Variants in PIK3CA observed in about 807,000 individuals in gnomAD.
The protein encoded by PIK3CA is phosphatidylinositol 4,5-bisphosphate 3-kinase catalytic subunit alpha isoform.
PIK3CA carries 27 observed loss-of-function variants against 138.2 expected under a neutral mutation model. The ratio of observed to expected loss-of-function variants is 0.20; its 90% CI spans 0.14 to 0.27. The LOEUF (loss-of-function observed/expected upper bound fraction) is 0.27. PIK3CA is among the 10% of genes least tolerant of loss of function. The probability of loss-of-function intolerance (pLI) is 1.00; values close to 1 mark genes in which losing one functional copy is unlikely to be tolerated. For synonymous variants in PIK3CA, 358 were observed against 413.2 expected (o/e 0.87, Z 1.62); for missense variants, 544 against 1,277.4 (o/e 0.43, Z 8.75).
chr3:179,196,078 A>AT (rs1724259081), intron 1 of PIK3CA, among the ~76,000 whole-genome samples: 1 of 152,234 alleles, frequency 6.6e-6, no homozygotes, highest in Non-Finnish European at 1.5e-5. Flanking sequence ...ACCCATAAAT[A>AT]TACTACAGTA....
At chr3:179,224,301 C>T (rs1016631865) in intron 15 of PIK3CA, 114 bp downstream of exon 15, 11 of 560,680 alleles carry the variant, frequency 2.0e-5, no homozygotes, top group Non-Finnish European at 3.5e-5. Context: ...TTATGCTTCT[C>T]TCTCTCATTC....
At chr3:179,173,719 G>C (rs1723623550) in intron 1 of PIK3CA, among the ~76,000 whole-genome samples, 1 of 152,070 alleles carries the variant, frequency 6.6e-6, no homozygotes, top group East Asian at 1.9e-4. Flanking sequence ...GGTGGGTTTT[G>C]GCAGTGTTTT....
chr3:179,188,266 A>G (rs909614110), intron 1 of PIK3CA, among the ~76,000 whole-genome samples: 9 of 152,218 alleles, frequency 5.9e-5, no homozygotes. Flanking sequence ...TAAAAGCTCA[A>G]GTCACTAGTT....
At chr3:179,195,577 G>A (rs773708003) in intron 1 of PIK3CA, among the ~76,000 whole-genome samples, 7 of 152,032 alleles carry the variant, frequency 4.6e-5, no homozygotes, top group Non-Finnish European at 1.0e-4. Context: ...GCCAAAATTT[G>A]AATCTAGTGT....
At position 179,223,118 on chromosome 3, in the gene PIK3CA, C is replaced by A. The variant is rs149992968; in HGVS notation, c.2188-963C>A. 1.6e-3 allele frequency among the ~76,000 whole-genome samples: 237 copies of A among 152,246 alleles called. 1 individual carries two copies. The Middle Eastern group carries it at 0.041, about 26-fold the overall frequency. ...ACAATGAGTGATAAAATATAAGAAG[C>A]ATTGTGCTAACATTAGAGTTGTCAG... On this transcript the variant is annotated intron_variant, in intron 14 of 20. Transcript: ENST00000263967.
In PIK3CA at chr3:179,199,030, A is replaced by G; in HGVS notation, c.205A>G (p.Ile69Val). ...ACTTCTTCAAGATGAATCTTCTTAC[A>G]TTTTCGTAAGTGTTACTCAAGAAGC... is the stretch of plus-strand genomic sequence containing the variant. ...HQLLQDESSY[I>V]FVSVTQEAER... Residue 69 changes from isoleucine (I) to valine (V), a missense_variant, in exon 2 of 21, where the codon ATT becomes GTT. Physicochemically the swap from Ile to Val is conservative, Grantham distance 29. Around this residue, in one of 14 missense-constraint regions of PIK3CA, gnomAD observed 47 missense variants for 84.0 expected, o/e 0.56. Transcript: ENST00000263967. 1 of 1,613,644 alleles carries G rather than the reference A, an allele frequency of 6.2e-7. No homozygotes were observed. Among genetic ancestry groups the G allele is most frequent in the Non-Finnish European group, 8.5e-7 (1 of 1,179,786 alleles).
Position 179,227,762 on chromosome 3 carries a change from T to C in PIK3CA, c.2496-1510T>C, listed in dbSNP as rs183390504. Among the ~76,000 whole-genome samples, 257 of 152,242 alleles carry C rather than the reference T, an allele frequency of 1.7e-3. 1 individual carries two copies. Among genetic ancestry groups the C allele is most frequent in the Non-Finnish European group, 3.7e-4 (25 of 67,958 alleles). ...AGAGCAAGGAAAACCAAACTTTGGA[T>C]ACTTACGTGTCAATCTGAATGTTAG... On this transcript the variant is annotated intron_variant, in intron 17 of 20. Transcript: ENST00000263967.
At chr3:179,206,595 C>T (rs1724568076) in intron 6 of PIK3CA, among the ~76,000 whole-genome samples, 2 of 152,282 alleles carry the variant, frequency 1.3e-5, no homozygotes, top group Admixed American at 1.3e-4. Context: ...CTAGCTGTTT[C>T]AAGTACCACA....
intron 1 of PIK3CA, among the ~76,000 whole-genome samples, chr3:179,174,692 A>T (rs1723652216): frequency 6.6e-6 from 1 of 152,204 alleles, no homozygotes; most frequent in South Asian, 2.1e-4. Flanking sequence ...TTTAATGCTC[A>T]TATCTTCCTT....
intron 9 of PIK3CA, among the ~76,000 whole-genome samples, chr3:179,211,866 A>ACT (rs1724721207): frequency 1.3e-5 from 2 of 152,110 alleles, no homozygotes; most frequent in Admixed American, 1.3e-4. Flanking sequence ...TGCTAGAGGT[A>ACT]CTCTCAAGAA....
intron 7 of PIK3CA, 59 bp downstream of exon 7, chr3:179,209,759 T>C (rs144533475): frequency 3.3e-5 from 29 of 880,846 alleles, no homozygotes; most frequent in African/African-American, 2.7e-4. Context: ...ATTATACCGC[T>C]GATTGAATTT....
intron 1 of PIK3CA, among the ~76,000 whole-genome samples, chr3:179,173,633 A>G (rs67562832): frequency 0.25 from 38,283 of 152,002 alleles, 5,817 homozygotes; most frequent in African/African-American, 0.42. Context: ...TTGATGGTTC[A>G]TAGACCTAAA....
intron 6 of PIK3CA, among the ~76,000 whole-genome samples, chr3:179,205,954 G>A (rs1441942354): frequency 2.0e-5 from 3 of 152,154 alleles, no homozygotes; most frequent in African/African-American, 7.2e-5. Flanking sequence ...GCCTAGGTAA[G>A]GTTAAAAGAG....
intron 1 of PIK3CA, among the ~76,000 whole-genome samples, chr3:179,174,501 G>T (rs1398827509): frequency 6.6e-6 from 1 of 151,988 alleles, no homozygotes; most frequent in African/African-American, 2.4e-5. Flanking sequence ...GTTCATTACT[G>T]TATCTCACTT....
rs552608560 is a variant in PIK3CA at position 179,151,235 on chromosome 3, T to C, written c.-77+2632T>C. 2.8e-4 allele frequency among the ~76,000 whole-genome samples: 43 copies of C among 152,330 alleles called. 2 individuals carry two copies. Among genetic ancestry groups the C allele is most frequent in the Middle Eastern group, 6.8e-3 (2 of 294 alleles). ...TGCCGTAGACAGAGTGGTATTACTATCCCTAAGAAATGGTATTCTAATCTG... is the reference window on the plus strand; with the variant it reads ...TGCCGTAGACAGAGTGGTATTACTACCCCTAAGAAATGGTATTCTAATCTG... On this transcript the variant is annotated intron_variant, in intron 1 of 20. Transcript: ENST00000263967.
At position 179,238,683 on chromosome 3, in the gene PIK3CA, G is replaced by C. The variant is rs1211844152; in HGVS notation, c.*4319G>C. Reference sequence around the variant, plus strand: ...TTTGAAAAAGGCAATAGTTTGAGGAGGTTCCCGAATTCGGCATTTGAAATT... The same window carrying C: ...TTTGAAAAAGGCAATAGTTTGAGGACGTTCCCGAATTCGGCATTTGAAATT... On this transcript the variant is annotated 3_prime_UTR_variant, in exon 21 of 21. Transcript: ENST00000263967. 4.4e-6 allele frequency: 1 copy of C among 226,592 alleles called. No individual in the cohort carries two copies. The highest frequency in any genetic ancestry group is 8.8e-6 in the Non-Finnish European group (1 of 113,876). 14.0% of individuals were successfully genotyped at this position (226,592 alleles called of 1,614,324 possible).
intron 14 of PIK3CA, among the ~76,000 whole-genome samples, chr3:179,222,413 T>C (rs1724989363): frequency 1.3e-5 from 2 of 152,160 alleles, no homozygotes; most frequent in Non-Finnish European, 2.9e-5. Context: ...AAGAACAAAA[T>C]TTATTGTATT....
rs1725386178 is a variant in PIK3CA at position 179,239,015 on chromosome 3, G to A, written c.*4651G>A. The A allele has an allele frequency of 9.2e-6, 2 of 216,536 alleles. No homozygotes were observed. The highest frequency in any genetic ancestry group is 5.9e-5 in the Admixed American group (1 of 17,084). 13.4% of individuals were successfully genotyped at this position (216,536 alleles called of 1,614,324 possible). On this transcript the variant is annotated 3_prime_UTR_variant, in exon 21 of 21. Coordinates refer to ENST00000263967, the MANE Select transcript of PIK3CA (RefSeq NM_006218.4). ...GTATGTTAATATTCCAGCCTTGCTA[G>A]TTAGCATAAAGTGACAGGTGTGAGC...
chr3:179,200,546 G>A (rs1301880466), intron 3 of PIK3CA, among the ~76,000 whole-genome samples: 1 of 151,984 alleles, frequency 6.6e-6, no homozygotes, highest in Non-Finnish European at 1.5e-5. Flanking sequence ...AATAAGTTAA[G>A]ACATCTTATT....
Sources: gnomAD v4.1 joint callset for allele counts (sites outside exome capture counted in the v4.1 genomes callset) on GRCh38, gnomAD v4.1.1 for gene constraint, gnomAD v4.1.1 regional missense constraint, MANE v1.5 for transcripts, NCBI Gene and HGNC (gene_info 2026-07-23, HGNC 2026-07-21) for gene names.